Variants in GRM7 observed in about 807,000 individuals in gnomAD.
GRM7 encodes metabotropic glutamate receptor 7.
In GRM7, 35 loss-of-function variants were observed where a neutral mutation model predicts 84.5. That is an observed-to-expected ratio of 0.41 (90% CI 0.32 to 0.55). The LOEUF is 0.55. Among genes scored for constraint, GRM7 ranks in the 20% least tolerant of loss-of-function variants. GRM7 has a pLI of 0.19. For synonymous variants in GRM7, 487 were observed against 455.1 expected, an observed-to-expected ratio of 1.07 and a Z score of -0.89; for missense variants, 1,003 against 1,194.6, an observed-to-expected ratio of 0.84 and a Z score of 2.36.
At chr3:6,923,873 G>A (rs1213578411) in intron 1 of GRM7, among the ~76,000 whole-genome samples, 3 of 152,180 alleles carry the variant, frequency 2.0e-5, no homozygotes, top group East Asian at 3.9e-4. Context: ...AGTGAAGGAT[G>A]TGATTTCTCT....
chr3:7,480,594 A>G (rs1166781787), intron 7 of GRM7, among the ~76,000 whole-genome samples: 2 of 152,230 alleles, frequency 1.3e-5, no homozygotes, highest in Non-Finnish European at 2.9e-5. Context: ...ATTTATACAT[A>G]TTATATCTCT....
At chr3:6,891,598 A>G (rs1695949422) in intron 1 of GRM7, among the ~76,000 whole-genome samples, 1 of 152,266 alleles carries the variant, frequency 6.6e-6, no homozygotes, top group South Asian at 2.1e-4. Flanking sequence ...CTGCCGAGAG[A>G]TCCACTGTTA....
chr3:6,888,711 G>A (rs1357272058), intron 1 of GRM7, among the ~76,000 whole-genome samples: 1 of 152,114 alleles, frequency 6.6e-6, no homozygotes, highest in African/African-American at 2.4e-5. Context: ...ACTTGGCGAT[G>A]CGGGCTGTTT....
At chr3:7,279,846 A>G (rs969566928) in intron 2 of GRM7, among the ~76,000 whole-genome samples, 4 of 152,152 alleles carry the variant, frequency 2.6e-5, no homozygotes, top group Non-Finnish European at 5.9e-5. Flanking sequence ...AAACCAAAAG[A>G]ACTGCTATTC....
chr3:7,326,870 C>T (rs1332269649), intron 4 of GRM7, among the ~76,000 whole-genome samples: 3 of 151,878 alleles, frequency 2.0e-5, no homozygotes, highest in African/African-American at 2.4e-5. Context: ...ATTATTTTGC[C>T]CACAATCTAT....
intron 8 of GRM7, among the ~76,000 whole-genome samples, chr3:7,587,195 C>A (rs1386934228): frequency 1.3e-5 from 2 of 152,172 alleles, no homozygotes; most frequent in Non-Finnish European, 2.9e-5. Context: ...CTCTTTCTCC[C>A]CTCTTCCTCT....
chr3:7,343,848 C>T (rs1692764189), intron 4 of GRM7, among the ~76,000 whole-genome samples: 1 of 152,058 alleles, frequency 6.6e-6, no homozygotes, highest in African/African-American at 2.4e-5. Context: ...TACAGTCATG[C>T]AGTTGCCACG....
At chr3:7,436,746 T>G (rs1191044989) in intron 5 of GRM7, among the ~76,000 whole-genome samples, 1 of 152,178 alleles carries the variant, frequency 6.6e-6, no homozygotes, top group Non-Finnish European at 1.5e-5. Flanking sequence ...CACTTCTGCT[T>G]TTTTCAGCCT....
intron 2 of GRM7, among the ~76,000 whole-genome samples, chr3:7,269,235 A>G (rs1698762783): frequency 6.6e-6 from 1 of 152,232 alleles, no homozygotes; most frequent in African/African-American, 2.4e-5. Flanking sequence ...ATAATTTCAC[A>G]GATACCCTTT....
chr3:7,260,926 C>G (rs1575093775), intron 2 of GRM7, among the ~76,000 whole-genome samples: 1 of 152,068 alleles, frequency 6.6e-6, no homozygotes, highest in Non-Finnish European at 1.5e-5. Context: ...TATCTTTGTT[C>G]TCATTAGTTT....
At chr3:7,666,087 C>G (rs2125128077) in intron 8 of GRM7, among the ~76,000 whole-genome samples, 1 of 152,278 alleles carries the variant, frequency 6.6e-6, no homozygotes, top group East Asian at 1.9e-4. Flanking sequence ...ATTATATATA[C>G]TGTGAATGAA....
intron 7 of GRM7, among the ~76,000 whole-genome samples, chr3:7,547,608 C>G (rs887646804): frequency 7.9e-5 from 12 of 152,116 alleles, no homozygotes; most frequent in Non-Finnish European, 1.5e-4. Flanking sequence ...AACACCTTAT[C>G]AATTAAATCA....
intron 7 of GRM7, among the ~76,000 whole-genome samples, chr3:7,550,571 CTCTCTCTG>C (rs1374701041): frequency 0.047 from 4,093 of 86,850 alleles, 94 homozygotes; most frequent in Middle Eastern, 0.066. Flanking sequence ...CTCTCTCTCT[CTCTCTCTG>C]TGTGTGTGTG....
intron 1 of GRM7, among the ~76,000 whole-genome samples, chr3:6,933,853 C>A (rs553438692): frequency 7.6e-4 from 116 of 152,132 alleles, no homozygotes; most frequent in African/African-American, 2.7e-3. Context: ...AGAATAGTAA[C>A]TTTCTTTCTT....
At chr3:7,332,822 G>C (rs1057146823) in intron 4 of GRM7, among the ~76,000 whole-genome samples, 1 of 152,136 alleles carries the variant, frequency 6.6e-6, no homozygotes, top group Non-Finnish European at 1.5e-5. Context: ...CCCAACGAGA[G>C]TCTGAGCTCT....
At chr3:7,351,524 G>A (rs1338738080) in intron 4 of GRM7, among the ~76,000 whole-genome samples, 5 of 151,918 alleles carry the variant, frequency 3.3e-5, no homozygotes, top group South Asian at 4.2e-4. Context: ...TTGCTTCTGG[G>A]TATGTCTGTG....
At chr3:6,993,148 G>A (rs1053258283) in intron 1 of GRM7, among the ~76,000 whole-genome samples, 2 of 152,182 alleles carry the variant, frequency 1.3e-5, no homozygotes, top group African/African-American at 4.8e-5. Context: ...ACTGAGTGAA[G>A]GAGAAGCCCC....
intron 1 of GRM7, among the ~76,000 whole-genome samples, chr3:7,086,685 G>A (rs965707992): frequency 2.6e-5 from 4 of 152,154 alleles, no homozygotes; most frequent in Non-Finnish European, 4.4e-5. Flanking sequence ...AGCTTCCAGC[G>A]AGTTGGAAGA....
intron 1 of GRM7, among the ~76,000 whole-genome samples, chr3:7,096,771 G>A (rs1379308728): frequency 6.6e-6 from 1 of 152,090 alleles, no homozygotes; most frequent in African/African-American, 2.4e-5. Context: ...CCTATCAGAA[G>A]TTACTTCATT....
Sources: allele counts gnomAD v4.1 joint callset (sites outside exome capture counted in the v4.1 genomes callset), GRCh38; gene constraint gnomAD v4.1.1; transcripts MANE v1.5; gene names NCBI Gene and HGNC (gene_info 2026-07-23, HGNC 2026-07-21).